LDHC: variants seen among roughly 807,000 people sequenced by gnomAD.
LDHC encodes L-lactate dehydrogenase C chain.
In LDHC, 20 loss-of-function variants were observed where a neutral mutation model predicts 30.2. The observed-to-expected ratio is 0.66, with a 90% CI of 0.47 to 0.96. The LOEUF (loss-of-function observed/expected upper bound fraction) is 0.96. Among genes scored for constraint, LDHC ranks in the 40% least tolerant of loss-of-function variants. The probability of loss-of-function intolerance (pLI) is 0.00; values close to 1 mark genes in which losing one functional copy is unlikely to be tolerated. For missense variants in LDHC, 362 were observed against 394.9 expected, an observed-to-expected ratio of 0.92 and a Z score of 0.71; for synonymous variants, 139 against 132.7, an observed-to-expected ratio of 1.05 and a Z score of -0.32.
At chr11:18,415,073 C>T in intron 2 of LDHC, 111 bp from the exon 3 acceptor site, 1 of 579,300 alleles carries the variant, frequency 1.7e-6, no homozygotes, top group Admixed American at 3.1e-5. Context: ...TATCATTTTT[C>T]CCTATTAAAA....
intron 6 of LDHC, among the ~76,000 whole-genome samples, chr11:18,439,836 A>AAAAAAAAC (rs760393088): frequency 8.0e-5 from 11 of 137,410 alleles, no homozygotes; most frequent in South Asian, 2.3e-4. Flanking sequence ...AAAAAAAAAA[A>AAAAAAAAC]CAAAAATTAG....
intron 4 of LDHC, among the ~76,000 whole-genome samples, chr11:18,431,316 CG>C (rs1291719373): frequency 1.3e-4 from 19 of 151,566 alleles, no homozygotes; most frequent in Admixed American, 7.9e-4. Context: ...CAAAATTAGC[CG>C]GGTGTGTGGT....
In LDHC at chr11:18,451,400, G is replaced by A. The variant is rs1848653689; in HGVS notation, c.*273G>A. On this transcript the variant is annotated 3_prime_UTR_variant, in exon 8 of 8. Coordinates refer to ENST00000541669, the MANE Select transcript of LDHC (RefSeq NM_017448.5). The stretch of plus-strand genomic sequence containing the variant: ...CACATATGTTAGAGTGCCTTCAGAT[G>A]TAGTAGAATATGTATAATCACTATA... 2 of 214,704 alleles carry A rather than the reference G, an allele frequency of 9.3e-6. No individual in the cohort carries two copies. Among genetic ancestry groups the A allele is most frequent in the Non-Finnish European group, 1.8e-5 (2 of 110,828 alleles). 13.3% of individuals were successfully genotyped at this position (214,704 alleles called of 1,614,324 possible). A position where few individuals can be genotyped will look rare whatever the true frequency, so the allele number is the denominator to read the frequency against.
At chr11:18,434,947 CCTT>C (rs1848332099) in intron 5 of LDHC, 34 bp downstream of exon 5, 1 of 1,418,300 alleles carries the variant, frequency 7.1e-7, no homozygotes, top group Non-Finnish European at 9.9e-7. Context: ...ACGTGACTAC[CCTT>C]CTTATCTCTA....
chr11:18,432,634 T>C (rs1306927577), intron 4 of LDHC, among the ~76,000 whole-genome samples: 1 of 152,220 alleles, frequency 6.6e-6, no homozygotes, highest in Non-Finnish European at 1.5e-5. Flanking sequence ...TTTATAAATT[T>C]GGGAGCTCCA....
At chr11:18,414,753 G>A (rs916089932) in intron 2 of LDHC, among the ~76,000 whole-genome samples, 3 of 152,128 alleles carry the variant, frequency 2.0e-5, no homozygotes, top group African/African-American at 7.2e-5. Flanking sequence ...GCTTGAACCT[G>A]GGAGACGGAG....
chr11:18,445,386 G>A (rs932804785), intron 6 of LDHC, among the ~76,000 whole-genome samples: 2 of 151,882 alleles, frequency 1.3e-5, no homozygotes, highest in Admixed American at 6.6e-5. Context: ...ATGGGGTTTC[G>A]CTGTGTTGGC....
At position 18,421,802 on chromosome 11, in the gene LDHC, C is replaced by CA. The variant is rs371216493; in HGVS notation, c.244+6502dup. On this transcript the variant is annotated intron_variant, in intron 3 of 7. Coordinates refer to ENST00000541669, the MANE Select transcript of LDHC (RefSeq NM_017448.5). ...AGATGACATGATCTAACTTCTGTGACAGCTAACAAAAGAACAGAAACCTTT... is the reference window on the plus strand; with the variant it reads ...AGATGACATGATCTAACTTCTGTGACAAGCTAACAAAAGAACAGAAACCTTT... Among the ~76,000 whole-genome samples, 475 of 152,236 alleles carry CA rather than the reference C, an allele frequency of 3.1e-3. 5 individuals carry two copies. The highest frequency in any genetic ancestry group is 0.011 in the African/African-American group (459 of 41,546).
intron 6 of LDHC, among the ~76,000 whole-genome samples, chr11:18,440,144 C>CAAAAAAAAAA (rs35749455): frequency 1.6e-4 from 13 of 82,776 alleles, no homozygotes; most frequent in East Asian, 3.1e-4. Flanking sequence ...TACTAAAATA[C>CAAAAAAAAAA]AAAAAAAAAA....
intron 3 of LDHC, among the ~76,000 whole-genome samples, chr11:18,428,664 C>T (rs1361094250): frequency 6.6e-6 from 1 of 151,920 alleles, no homozygotes. Context: ...CAGTTGAGGT[C>T]AGGAGTTCAA....
chr11:18,412,739 C>A lies in LDHC; in HGVS notation c.22C>A (p.Leu8Ile), dbSNP rs766275159. MSTVKEQ[L>I]IEKLIEDDEN... is the part of the protein sequence containing the mutation. ...CCAAATGTCAACTGTCAAGGAGCAG[C>A]TAATTGAGAAGCTAATTGAGGATGA... The change falls in exon 2 of 8, where the codon CTA becomes ATA. Residue 8 changes from leucine to isoleucine, a missense_variant. Leu to Ile is a conservative substitution (Grantham distance 5). Coordinates refer to ENST00000541669, the MANE Select transcript of LDHC (RefSeq NM_017448.5). The A allele has an allele frequency of 3.5e-5, 57 of 1,613,774 alleles. 1 individual carries two copies. In the East Asian group the frequency reaches 1.2e-3, roughly 35 times the overall value.
chr11:18,441,678 C>T (rs868300414), intron 6 of LDHC, among the ~76,000 whole-genome samples: 3 of 150,020 alleles, frequency 2.0e-5, no homozygotes, highest in African/African-American at 4.9e-5. Flanking sequence ...GAGGCTGAGG[C>T]GGTTAGATCA....
intron 6 of LDHC, among the ~76,000 whole-genome samples, chr11:18,441,813 G>A (rs1565056920): frequency 6.6e-6 from 1 of 152,152 alleles, no homozygotes; most frequent in Non-Finnish European, 1.5e-5. Flanking sequence ...TTGGGAGGCT[G>A]AGGCATCACT....
chr11:18,415,351 T>C (rs1276059953), intron 3 of LDHC, 50 bp downstream of exon 3: 8 of 952,116 alleles, frequency 8.4e-6, no homozygotes, highest in South Asian at 5.8e-5. Context: ...AAAAAAGTAA[T>C]AAATTTTACC....
intron 6 of LDHC, among the ~76,000 whole-genome samples, chr11:18,441,821 A>G (rs1848471455): frequency 6.6e-6 from 1 of 152,218 alleles, no homozygotes; most frequent in Non-Finnish European, 1.5e-5. Context: ...CTGAGGCATC[A>G]CTTGAACCCA....
chr11:18,434,332 G>T (rs1206704516), intron 4 of LDHC, among the ~76,000 whole-genome samples: 1 of 151,744 alleles, frequency 6.6e-6, no homozygotes, highest in African/African-American at 2.4e-5. Flanking sequence ...TTTCTTCTTG[G>T]TTTGGATCAA....
chr11:18,445,469 T>C (rs1438561824), intron 6 of LDHC, among the ~76,000 whole-genome samples: 1 of 152,156 alleles, frequency 6.6e-6, no homozygotes, highest in East Asian at 1.9e-4. Context: ...AGTTCTGGGA[T>C]TACAGATGTG....
intron 6 of LDHC, among the ~76,000 whole-genome samples, chr11:18,442,072 T>G (rs1285017725): frequency 9.1e-6 from 1 of 109,522 alleles, no homozygotes; most frequent in Non-Finnish European, 2.0e-5. Context: ...TTGTTTTTTG[T>G]TTTTTTTTAA....
chr11:18,449,717 A>G (rs370526980), intron 7 of LDHC, among the ~76,000 whole-genome samples: 2 of 152,296 alleles, frequency 1.3e-5, no homozygotes, highest in African/African-American at 4.8e-5. Context: ...TAACCAGAGA[A>G]TCCCTCTGTG....
Sources: allele counts gnomAD v4.1 joint callset (sites outside exome capture counted in the v4.1 genomes callset), GRCh38; gene constraint gnomAD v4.1.1; transcripts MANE v1.5; gene names NCBI Gene and HGNC (gene_info 2026-07-23, HGNC 2026-07-21).